Variants in PTPN3 observed in about 807,000 individuals in gnomAD.
PTPN3 encodes protein tyrosine phosphatase non-receptor type 3.
Under a neutral mutation model 132.7 loss-of-function variants are expected in PTPN3, and 96 were observed. The ratio of observed to expected loss-of-function variants is 0.72; its 90% CI spans 0.61 to 0.86. The LOEUF is 0.86. PTPN3 is among the 40% of genes least tolerant of loss of function. The probability of loss-of-function intolerance (pLI) is 0.00; values close to 1 mark genes in which losing one functional copy is unlikely to be tolerated. For synonymous variants in PTPN3, 398 were observed against 429.0 expected (o/e 0.93, Z 0.89); for missense variants, 1,125 against 1,159.6 (o/e 0.97, Z 0.43).
At chr9:109,532,885 T>C in the PTPN3 span, 7 of 1,108,968 alleles carry the variant, frequency 6.3e-6, no homozygotes, top group Non-Finnish European at 8.4e-6. Flanking sequence ...AATTATCAGC[T>C]GGTGGATCGG....
At chr9:109,431,413 G>A (rs567482541) in intron 10 of PTPN3, among the ~76,000 whole-genome samples, 9 of 152,340 alleles carry the variant, frequency 5.9e-5, no homozygotes, top group East Asian at 1.9e-4. Flanking sequence ...GGCATCTGGA[G>A]GGGCTGGGTG....
chr9:109,477,018 T>C (rs916781867), intron 1 of PTPN3, among the ~76,000 whole-genome samples: 13 of 152,130 alleles, frequency 8.5e-5, no homozygotes, highest in African/African-American at 3.1e-4. Flanking sequence ...TTTTACAAGA[T>C]TGGGAGACTC....
intron 19 of PTPN3, among the ~76,000 whole-genome samples, chr9:109,396,681 T>C (rs1840623216): frequency 6.6e-6 from 1 of 152,204 alleles, no homozygotes; most frequent in Admixed American, 6.5e-5. Flanking sequence ...TAAGAGGGGT[T>C]GCTAAGGAAC....
At chr9:109,520,158 CA>C in the PTPN3 span, among the ~76,000 whole-genome samples, 139 of 125,416 alleles carry the variant, frequency 1.1e-3, no homozygotes, top group Admixed American at 1.2e-3. Flanking sequence ...GAGTCTGTCT[CA>C]AAAAAAAAAA....
Position 109,391,527 on chromosome 9 carries a change from G to A in PTPN3, c.1988C>T (p.Thr663Met), listed in dbSNP as rs1268755429. ...LYRKKPGLAI[T>M]FAKLPQNLDK... ...CAAATTTTGAGGCAGCTTTGCAAAC[G>A]TGATGGCCAAACCTGGCTTTTTTCT... Residue 663 changes from threonine to methionine, a missense_variant, in exon 20 of 26, where the codon ACG becomes ATG. By Grantham distance (81) the Thr-to-Met change is moderately conservative. Transcript: ENST00000374541. The A allele has an allele frequency of 2.5e-6, 4 of 1,613,998 alleles. No individual in the cohort carries two copies. Among genetic ancestry groups the A allele is most frequent in the Admixed American group, 1.7e-5 (1 of 59,978 alleles).
chr9:109,478,359 C>T (rs1213598450), intron 1 of PTPN3, among the ~76,000 whole-genome samples: 6 of 152,178 alleles, frequency 3.9e-5, no homozygotes, highest in Non-Finnish European at 7.3e-5. Context: ...GTATTTCAAA[C>T]ACTTCCCTGA....
intron 7 of PTPN3, among the ~76,000 whole-genome samples, chr9:109,438,494 A>T (rs968327503): frequency 5.9e-5 from 9 of 152,194 alleles, no homozygotes; most frequent in South Asian, 2.1e-4. Context: ...GAAAATTAGG[A>T]GACGGTGTTT....
chr9:109,393,652 G>C (rs1840323882), intron 19 of PTPN3, among the ~76,000 whole-genome samples: 1 of 152,084 alleles, frequency 6.6e-6, no homozygotes, highest in Non-Finnish European at 1.5e-5. Context: ...CTCTGAAAGT[G>C]CTAGGATTTT....
chr9:109,377,716 G>C lies in PTPN3; in HGVS notation c.*1840C>G, dbSNP rs1458014201. 2.6e-5 allele frequency: 4 copies of C among 152,152 alleles called. No individual in the cohort carries two copies. The highest frequency in any genetic ancestry group is 1.9e-4 in the East Asian group (1 of 5,198). 9.4% of individuals were successfully genotyped at this position (152,152 alleles called of 1,614,324 possible). A position where few individuals can be genotyped will look rare whatever the true frequency, so the allele number is the denominator to read the frequency against. ...CTCACCCACAGCAGTGTCTGTTGCT[G>C]TTCTAGCCGATAAAAAGTCACATGA... is the stretch of plus-strand genomic sequence containing the variant. On this transcript the variant is annotated 3_prime_UTR_variant, in exon 26 of 26. Coordinates refer to ENST00000374541, the MANE Select transcript of PTPN3 (RefSeq NM_002829.4).
chr9:109,480,151 C>T (rs1429324497), intron 1 of PTPN3, among the ~76,000 whole-genome samples: 1 of 152,026 alleles, frequency 6.6e-6, no homozygotes, highest in Non-Finnish European at 1.5e-5. Flanking sequence ...AAGTCTTCTG[C>T]CCATTTTTAA....
intron 1 of PTPN3, among the ~76,000 whole-genome samples, chr9:109,478,363 T>G (rs549030232): frequency 2.1e-4 from 32 of 152,248 alleles, no homozygotes; most frequent in South Asian, 1.0e-3. Context: ...TTCAAACACT[T>G]CCCTGACCCC....
intron 5 of PTPN3, among the ~76,000 whole-genome samples, chr9:109,452,376 C>T (rs1354078733): frequency 6.6e-6 from 1 of 151,072 alleles, no homozygotes. Flanking sequence ...TATATGTGTA[C>T]TGTATTCTGA....
chr9:109,383,124 C>T (rs887169271), intron 23 of PTPN3, among the ~76,000 whole-genome samples: 4 of 152,190 alleles, frequency 2.6e-5, no homozygotes, highest in Non-Finnish European at 5.9e-5. Flanking sequence ...AGTGTTGTAG[C>T]AGGGGTCAGA....
chr9:109,438,030 G>C, intron 8 of PTPN3, 84 bp downstream of exon 8: 1 of 1,424,788 alleles, frequency 7.0e-7, no homozygotes, highest in Non-Finnish European at 9.4e-7. Context: ...ACAAAAGAAA[G>C]AGGCTGCATC....
At chr9:109,533,796 G>T in the PTPN3 span, 1 of 1,063,708 alleles carries the variant, frequency 9.4e-7, no homozygotes, top group Non-Finnish European at 1.4e-6. Context: ...GCCTGGCCTT[G>T]GGGAGCACGC....
At chr9:109,490,934 C>A (rs1472831867) in intron 1 of PTPN3, among the ~76,000 whole-genome samples, 4 of 150,798 alleles carry the variant, frequency 2.7e-5, no homozygotes, top group Admixed American at 6.6e-5. Flanking sequence ...CGCAGTGGCT[C>A]GGGCCTGTAT....
chr9:109,390,290 C>G (rs1161338304), intron 21 of PTPN3, among the ~76,000 whole-genome samples: 3 of 152,190 alleles, frequency 2.0e-5, no homozygotes, highest in Admixed American at 6.5e-5. Flanking sequence ...AACTTGAGAA[C>G]TTAATCTGAG....
At chr9:109,535,456 G>C in the PTPN3 span, among the ~76,000 whole-genome samples, 1 of 152,128 alleles carries the variant, frequency 6.6e-6, no homozygotes, top group Non-Finnish European at 1.5e-5. Context: ...GCTTGCAAGA[G>C]CTGATCTTCA....
chr9:109,438,535 C>T, intron 7 of PTPN3, among the ~76,000 whole-genome samples: 1 of 152,218 alleles, frequency 6.6e-6, no homozygotes, highest in East Asian at 1.9e-4. Context: ...TCCCACACCT[C>T]TTCCATACAC....
Sources: allele counts gnomAD v4.1 joint callset (sites outside exome capture counted in the v4.1 genomes callset), GRCh38; gene constraint gnomAD v4.1.1; transcripts MANE v1.5; gene names NCBI Gene and HGNC (gene_info 2026-07-23, HGNC 2026-07-21).